The following PTPRA variants were observed in gnomAD, a reference collection of about 807,000 sequenced individuals.
The protein encoded by PTPRA is receptor-type tyrosine-protein phosphatase alpha.
PTPRA carries 25 observed loss-of-function variants against 104.8 expected under a neutral mutation model. That is an observed-to-expected ratio of 0.24 (90% confidence interval 0.17 to 0.33). PTPRA has a LOEUF of 0.33. PTPRA is among the 10% of genes least tolerant of loss of function. PTPRA has a pLI of 1.00. For missense variants in PTPRA, 765 were observed against 1,015.3 expected (o/e 0.75, Z 3.35); for synonymous variants, 323 against 368.9 (o/e 0.88, Z 1.43).
intron 3 of PTPRA, among the ~76,000 whole-genome samples, chr20:2,960,942 G>A (rs1205818105): frequency 6.6e-6 from 1 of 150,590 alleles, no homozygotes; most frequent in Admixed American, 6.6e-5. Flanking sequence ...TTTCTTCTAC[G>A]TATTTTCATG....
intron 9 of PTPRA, among the ~76,000 whole-genome samples, chr20:2,992,975 C>T (rs528232112): frequency 2.7e-4 from 41 of 152,340 alleles, no homozygotes; most frequent in African/African-American, 9.6e-4. Flanking sequence ...GTTCCAGCTA[C>T]TGGGGAGGCT....
chr20:3,017,756 C>A, intron 12 of PTPRA, 60 bp from the exon 13 acceptor site: 4 of 1,454,294 alleles, frequency 2.8e-6, no homozygotes, highest in African/African-American at 1.4e-5. Context: ...ATGTTCCCAG[C>A]CTCCCAGCAT....
At chr20:3,003,832 C>T (rs1225986624) in intron 9 of PTPRA, among the ~76,000 whole-genome samples, 5 of 151,726 alleles carry the variant, frequency 3.3e-5, no homozygotes, top group Non-Finnish European at 7.4e-5. Flanking sequence ...AGGCATGAGC[C>T]ACCACACCCA....
chr20:2,882,642 A>G (rs1424361859), intron 1 of PTPRA, among the ~76,000 whole-genome samples: 1 of 152,100 alleles, frequency 6.6e-6, no homozygotes, highest in Non-Finnish European at 1.5e-5. Flanking sequence ...AATAAGGACC[A>G]CTTCTTTTGT....
At chr20:3,009,585 C>G (rs1168052790) in intron 11 of PTPRA, among the ~76,000 whole-genome samples, 2 of 152,028 alleles carry the variant, frequency 1.3e-5, no homozygotes, top group East Asian at 3.9e-4. Flanking sequence ...GCTGAAGTTC[C>G]TGTATGTATG....
intron 2 of PTPRA, among the ~76,000 whole-genome samples, chr20:2,942,099 T>C (rs1412132805): frequency 1.3e-5 from 2 of 152,216 alleles, no homozygotes; most frequent in African/African-American, 2.4e-5. Flanking sequence ...AGCGGGTTAT[T>C]TCCCCAATGA....
chr20:2,974,499 T>C (rs1238009520), intron 5 of PTPRA, among the ~76,000 whole-genome samples: 2 of 151,772 alleles, frequency 1.3e-5, no homozygotes, highest in African/African-American at 2.4e-5. Flanking sequence ...TGATCTCGGC[T>C]CACTGCAACC....
At chr20:2,870,261 G>T (rs1469842317), upstream of PTPRA, among the ~76,000 whole-genome samples, 2 of 151,922 alleles carry the variant, frequency 1.3e-5, no homozygotes, top group Non-Finnish European at 2.9e-5. Context: ...CCAGCTACTC[G>T]GGAGGCTGAG....
At chr20:2,947,671 G>A (rs995151629) in intron 2 of PTPRA, among the ~76,000 whole-genome samples, 1 of 152,128 alleles carries the variant, frequency 6.6e-6, no homozygotes, top group Non-Finnish European at 1.5e-5. Flanking sequence ...GTGCACAGTG[G>A]ACTGTGTTTA....
intron 6 of PTPRA, among the ~76,000 whole-genome samples, chr20:2,986,073 A>G (rs974188253): frequency 4.6e-5 from 7 of 151,846 alleles, no homozygotes; most frequent in Admixed American, 2.6e-4. Flanking sequence ...CACACCGGCT[A>G]TTTTTTTAAT....
In PTPRA at chr20:2,895,225, G is replaced by A. The variant is rs559091676; in HGVS notation, c.-129+21465G>A. ...TGAGTAGTTGGGACTACAGGCATGC[G>A]TCACCACACCCAGCTAATTTTTGTA... On this transcript the variant is annotated intron_variant, in intron 1 of 23. Coordinates refer to ENST00000399903, the MANE Select transcript of PTPRA (RefSeq NM_001385305.1). Among the ~76,000 whole-genome samples the A allele has an allele frequency of 2.5e-4, 38 of 150,746 alleles. No homozygotes were observed. In the South Asian group the frequency reaches 5.7e-3, roughly 23 times the overall value.
At chr20:3,019,213 C>A (rs1372275979) in intron 13 of PTPRA, among the ~76,000 whole-genome samples, 2 of 143,026 alleles carry the variant, frequency 1.4e-5, no homozygotes, top group African/African-American at 5.6e-5. Flanking sequence ...CTGACCCCCC[C>A]ACCTCCCTCC....
At chr20:2,959,495 T>C (rs933966508) in intron 3 of PTPRA, among the ~76,000 whole-genome samples, 4 of 152,232 alleles carry the variant, frequency 2.6e-5, no homozygotes, top group African/African-American at 7.2e-5. Flanking sequence ...TGGACTGTTA[T>C]GTTTTCAGTA....
chr20:2,923,496 T>A (rs535982505), intron 2 of PTPRA, among the ~76,000 whole-genome samples: 71 of 149,966 alleles, frequency 4.7e-4, no homozygotes, highest in Admixed American at 1.1e-3. Context: ...TTTTTTTTTT[T>A]AAAAAAAAAG....
At chr20:2,988,135 C>G (rs1481056707) in intron 8 of PTPRA, 30 bp downstream of exon 8, 1 of 1,545,138 alleles carries the variant, frequency 6.5e-7, no homozygotes, top group African/African-American at 1.4e-5. Context: ...CATGGGGAAC[C>G]TTCACAAGGA....
chr20:2,968,647 C>T (rs2062034856), intron 5 of PTPRA, among the ~76,000 whole-genome samples: 1 of 152,116 alleles, frequency 6.6e-6, no homozygotes. Flanking sequence ...GGCACAGTGG[C>T]TTATATCTGT....
chr20:2,984,636 T>C (rs1272980986), intron 6 of PTPRA, among the ~76,000 whole-genome samples: 13 of 150,774 alleles, frequency 8.6e-5, no homozygotes, highest in Admixed American at 8.5e-4. Flanking sequence ...TTCGATGACA[T>C]AGTGTTTCTC....
intron 1 of PTPRA, among the ~76,000 whole-genome samples, chr20:2,887,953 C>G (rs1044745873): frequency 6.6e-6 from 1 of 152,196 alleles, no homozygotes; most frequent in South Asian, 2.1e-4. Context: ...TGCCTCTTAC[C>G]TCTTGGGCCT....
rs111527368 is a variant in PTPRA at position 3,019,180 on chromosome 20, G to A, written c.1041+1267G>A. Among the ~76,000 whole-genome samples the A allele has an allele frequency of 2.4e-3, 343 of 143,192 alleles. No individual in the cohort carries two copies. In the Middle Eastern group the frequency reaches 0.025, roughly 10 times the overall value. 93.9% of individuals were successfully genotyped at this position (143,192 alleles called of 152,430 possible). A position where few individuals can be genotyped will look rare whatever the true frequency, so the allele number is the denominator to read the frequency against. On this transcript the variant is annotated intron_variant, in intron 13 of 23. Transcript: ENST00000399903. ...TGATCCCCCAACCTCCCTCCCGGAC[G>A]GGGCGGCCGGCCGGGCGTGGGGCTG...
Sources: gnomAD v4.1 joint callset for allele counts (sites outside exome capture counted in the v4.1 genomes callset) on GRCh38, gnomAD v4.1.1 for gene constraint, MANE v1.5 for transcripts, NCBI Gene and HGNC (gene_info 2026-07-23, HGNC 2026-07-21) for gene names.